The following SACS variants were observed in gnomAD, a reference collection of about 807,000 sequenced individuals.
The protein encoded by SACS is sacsin.
Under a neutral mutation model 348.0 loss-of-function variants are expected in SACS, and 197 were observed. The observed-to-expected ratio is 0.57, with a 90% CI of 0.50 to 0.64. The LOEUF (loss-of-function observed/expected upper bound fraction) is 0.64. SACS is among the 30% of genes least tolerant of loss of function. The probability of loss-of-function intolerance (pLI) is 0.00; values close to 1 mark genes in which losing one functional copy is unlikely to be tolerated. For missense variants in SACS, 4,999 were observed against 5,360.8 expected (o/e 0.93, Z 2.11); for synonymous variants, 1,985 against 1,910.6 (o/e 1.04, Z -1.02).
intron 9 of SACS, among the ~76,000 whole-genome samples, chr13:23,349,025 T>C (rs561151720): frequency 1.3e-5 from 2 of 152,264 alleles, no homozygotes; most frequent in Admixed American, 6.5e-5. Context: ...TCCAAAATCA[T>C]GGAAGTTTAC....
chr13:23,351,918 GAGAA>G (rs1448659188), intron 9 of SACS, among the ~76,000 whole-genome samples: 4 of 152,114 alleles, frequency 2.6e-5, no homozygotes, highest in African/African-American at 9.7e-5. Flanking sequence ...ATCCATAGTA[GAGAA>G]AATGAAGACA....
At chr13:23,352,664 C>T (rs893431324) in intron 9 of SACS, among the ~76,000 whole-genome samples, 10 of 152,052 alleles carry the variant, frequency 6.6e-5, no homozygotes, top group South Asian at 4.2e-4. Context: ...AGTTCCAAAT[C>T]GTTAGAGCAA....
chr13:23,375,008 C>T lies in SACS; in HGVS notation c.171+111G>A, dbSNP rs138356531. On this transcript the variant is annotated intron_variant, in intron 3 of 9. Coordinates refer to ENST00000382292, the MANE Select transcript of SACS (RefSeq NM_014363.6). Reference sequence around the variant, plus strand: ...GGACAAGCACAGGCGGCCACGCTGCCGGAGTCATTCGCGCCGCCCGCGGAA... The same window carrying T: ...GGACAAGCACAGGCGGCCACGCTGCTGGAGTCATTCGCGCCGCCCGCGGAA... 895 of 1,119,396 alleles carry T rather than the reference C, an allele frequency of 8.0e-4. 1 individual carries two copies. Among genetic ancestry groups the T allele is most frequent in the African/African-American group, 5.5e-3 (332 of 60,578 alleles). The allele number at this position is 1,119,396 out of a possible 1,614,324, so 69.3% of individuals were successfully genotyped here.
chr13:23,409,357 T>G (rs1378777121), intron 2 of SACS, among the ~76,000 whole-genome samples: 1 of 147,262 alleles, frequency 6.8e-6, no homozygotes, highest in Non-Finnish European at 1.5e-5. Context: ...GCTGGCCGTT[T>G]TTTTTTTTTT....
At chr13:23,412,257 G>A (rs1285934068) in intron 1 of SACS, among the ~76,000 whole-genome samples, 1 of 151,988 alleles carries the variant, frequency 6.6e-6, no homozygotes, top group Non-Finnish European at 1.5e-5. Flanking sequence ...GCCAGATTCT[G>A]TCTCAAAAAA....
At chr13:23,424,541 GA>G (rs67026487) in intron 1 of SACS, among the ~76,000 whole-genome samples, 7,681 of 86,444 alleles carry the variant, frequency 0.089, 303 homozygotes, top group Admixed American at 0.15. Context: ...AAAAAAAAAG[GA>G]AATGAGATTT....
chr13:23,399,019 C>CAAAAAAAAAAAAAAAAAAAA lies in SACS; in HGVS notation c.20+12200_20+12201insTTTTTTTTTTTTTTTTTTTT, dbSNP rs752943692. Among the ~76,000 whole-genome samples the CAAAAAAAAAAAAAAAAAAAA allele has an allele frequency of 3.4e-4, 23 of 67,134 alleles. 2 individuals carry two copies. The highest frequency in any genetic ancestry group is 2.1e-3 in the East Asian group (3 of 1,402). The allele number at this position is 67,134 out of a possible 152,430, so 44.0% of individuals were successfully genotyped here. The stretch of plus-strand genomic sequence containing the variant: ...CTGGTAACAGAGTGAGACTCCATCT[C>CAAAAAAAAAAAAAAAAAAAA]AAAAAAAAAAAAAAAAAACATGGAT... On this transcript the variant is annotated intron_variant, in intron 2 of 9. Coordinates refer to ENST00000382292, the MANE Select transcript of SACS (RefSeq NM_014363.6).
intron 6 of SACS, among the ~76,000 whole-genome samples, chr13:23,361,379 T>C (rs1566084227): frequency 6.6e-6 from 1 of 152,192 alleles, no homozygotes; most frequent in Non-Finnish European, 1.5e-5. Flanking sequence ...CTCAGTCTCA[T>C]TGGTTCACTC....
chr13:23,374,816 T>TGATTAAA (rs1871635534), intron 3 of SACS, among the ~76,000 whole-genome samples: 1 of 152,076 alleles, frequency 6.6e-6, no homozygotes. Context: ...AAATGAGTAA[T>TGATTAAA]GATTAAATCA....
chr13:23,333,775 A>G lies in SACS; in HGVS notation c.10101T>C (p.Tyr3367=), dbSNP rs756629139. ...CTCTAAATGTTGAAGTTTGGACCAT[A>G]TAATGTAGAGCCTTCAAGATGCTTG... ...SPTSILKALH[Y]MVQTSTFRAE... The change falls in exon 10 of 10, where the codon TAT becomes TAC. Residue 3367 remains tyrosine (Y), a synonymous_variant. Coordinates refer to ENST00000382292, the MANE Select transcript of SACS (RefSeq NM_014363.6). The G allele has an allele frequency of 1.2e-6, 2 of 1,613,746 alleles. No individual in the cohort carries two copies. Among genetic ancestry groups the G allele is most frequent in the African/African-American group, 2.7e-5 (2 of 74,912 alleles).
In SACS at chr13:23,330,151, C is replaced by T. The variant is rs778782353; in HGVS notation, c.13725G>A (p.Met4575Ile). ...TTAAATATCTTCACACTTTTTGTTG[C>T]ATAAAATTTTCAAGTTTTATTATGA... Reference protein sequence around the residue: ...ACIIIKLENFMQQKV With the variant: ...ACIIIKLENFIQQKV Residue 4575 changes from methionine to isoleucine, a missense_variant, in exon 10 of 10, where the codon ATG becomes ATA. Physicochemically the swap from Met to Ile is conservative, Grantham distance 10 (BLOSUM62 1). Around this residue, in one of 6 missense-constraint regions of SACS, gnomAD observed 254 missense variants for 275.1 expected, o/e 0.92. Coordinates refer to ENST00000382292, the MANE Select transcript of SACS (RefSeq NM_014363.6). 2 of 1,613,708 alleles carry T rather than the reference C, an allele frequency of 1.2e-6. No individual in the cohort carries two copies. The highest frequency in any genetic ancestry group is 2.2e-5 in the South Asian group (2 of 91,050).
At chr13:23,399,646 C>T (rs1460125174) in intron 2 of SACS, among the ~76,000 whole-genome samples, 1 of 152,118 alleles carries the variant, frequency 6.6e-6, no homozygotes, top group African/African-American at 2.4e-5. Flanking sequence ...AACCCCCTTC[C>T]CTCCTTTGTT....
chr13:23,332,596 C>G lies in SACS; in HGVS notation c.11280G>C (p.Thr3760=), dbSNP rs193116488. 1 of 1,613,618 alleles carries G rather than the reference C, an allele frequency of 6.2e-7. No homozygotes were observed. The highest frequency in any genetic ancestry group is 1.1e-5 in the South Asian group (1 of 91,072). ...NNCRNICNIT[T]LDEEMVKTRA... ...TAGTTTTTACCATTTCTTCATCCAA[C>G]GTCGTTATGTTGCATATGTTTCTGC... Residue 3760 remains threonine (T), a synonymous_variant, in exon 10 of 10, where the codon ACG becomes ACC. Transcript: ENST00000382292.
At position 23,371,134 on chromosome 13, in the gene SACS, G is replaced by C. The variant is rs1871363749; in HGVS notation, c.203C>G (p.Thr68Ser). 1.2e-6 allele frequency: 2 copies of C among 1,611,574 alleles called. No homozygotes were observed. Among genetic ancestry groups the C allele is most frequent in the East Asian group, 4.5e-5 (2 of 44,854 alleles). ...TACAAAAAGATGACAATTTTTGGAAGTCAGATCTCCAATCTTGATCCAGTC... is the reference window on the plus strand; with the variant it reads ...TACAAAAAGATGACAATTTTTGGAACTCAGATCTCCAATCTTGATCCAGTC... ...LSDWIKIGDL[T>S]SKNCHLFVNL... The change falls in exon 4 of 10, where the codon ACT (threonine) becomes AGT (serine). Residue 68 changes from threonine (T) to serine (S), a missense_variant. Around this residue, in one of 6 missense-constraint regions of SACS, gnomAD observed 3,156 missense variants for 3,380.1 expected, o/e 0.93. Transcript: ENST00000382292.
rs749143154 is a variant in SACS at position 23,331,010 on chromosome 13, G to T, written c.12866C>A (p.Ser4289Tyr). 3 of 1,614,118 alleles carry T rather than the reference G, an allele frequency of 1.9e-6. No individual in the cohort carries two copies. The highest frequency in any genetic ancestry group is 2.7e-5 in the African/African-American group (2 of 75,030). Reference protein sequence around the residue: ...LFSGRESHKTSSKHQSPKKLK... With the variant: ...LFSGRESHKTYSKHQSPKKLK... ...CTTTTTGGGGGACTGATGTTTGGAA[G>T]AAGTCTTGTGGCTCTCTCTACCAGA... The change falls in exon 10 of 10, where the codon TCT (serine) becomes TAT (tyrosine). Residue 4289 changes from serine to tyrosine, a missense_variant. By Grantham distance (144) the Ser-to-Tyr change is moderately radical (BLOSUM62 -2). This residue lies in a region of SACS where 831 missense variants were observed against 941.8 expected (regional missense o/e 0.88). Transcript: ENST00000382292.
intron 2 of SACS, among the ~76,000 whole-genome samples, chr13:23,377,126 T>G (rs1379584206): frequency 1.3e-5 from 2 of 152,098 alleles, no homozygotes; most frequent in Non-Finnish European, 2.9e-5. Context: ...TTAGTGGGGC[T>G]GTGGGGGGAG....
At chr13:23,353,660 A>G (rs1353184333) in intron 9 of SACS, 125 bp downstream of exon 9, 2 of 631,506 alleles carry the variant, frequency 3.2e-6, no homozygotes, top group African/African-American at 3.7e-5. Context: ...TAAAACACAA[A>G]AAGTTTATTA....
Position 23,355,646 on chromosome 13 carries a change from C to G in SACS, c.966G>C (p.Glu322Asp), listed in dbSNP as rs1413015608. 1.2e-6 allele frequency: 2 copies of G among 1,614,166 alleles called. No individual in the cohort carries two copies. Among genetic ancestry groups the G allele is most frequent in the Admixed American group, 3.3e-5 (2 of 60,016 alleles). Reference sequence around the variant, plus strand: ...ACACCAGTTTCTCTGTTCCGTCAGCCTCTCGGACATATAAGGAAACATCCT... The same window carrying G: ...ACACCAGTTTCTCTGTTCCGTCAGCGTCTCGGACATATAAGGAAACATCCT... ...SVQDVSLYVR[E>D]ADGTEKLVFR... Residue 322 changes from glutamate (E) to aspartate (D), a missense_variant, in exon 8 of 10, where the codon GAG becomes GAC. Coordinates refer to ENST00000382292, the MANE Select transcript of SACS (RefSeq NM_014363.6).
rs146376949 is a variant in SACS, at chr13:23,331,063, A to C, written c.12813T>G (p.Pro4271=). ...AAAGAGGAGGAATGCTTCTCAGGCC[A>C]GGGGTGAGGAACTCAGTGGGGCTGG... The part of the protein sequence containing the change: ...TPTSPTEFLT[P]GLRSIPPLFS... Residue 4271 remains proline (P), a synonymous_variant, in exon 10 of 10, where the codon CCT becomes CCG. Coordinates refer to ENST00000382292, the MANE Select transcript of SACS (RefSeq NM_014363.6). 8.2e-4 allele frequency: 1,322 copies of C among 1,614,006 alleles called. 4 individuals are homozygous for C. The highest frequency in any genetic ancestry group is 1.0e-3 in the Non-Finnish European group (1,178 of 1,179,900).
Sources: gnomAD v4.1 joint callset for allele counts (sites outside exome capture counted in the v4.1 genomes callset) on GRCh38, gnomAD v4.1.1 for gene constraint, gnomAD v4.1.1 regional missense constraint, MANE v1.5 for transcripts, NCBI Gene and HGNC (gene_info 2026-07-23, HGNC 2026-07-21) for gene names.